The following BMPR1B variants were observed in gnomAD, a reference collection of about 807,000 sequenced individuals.
The protein encoded by BMPR1B is bone morphogenetic protein receptor type-1B.
In BMPR1B, 12 loss-of-function variants were observed where a neutral mutation model predicts 59.1. That is an observed-to-expected ratio of 0.20 (90% CI 0.13 to 0.33). BMPR1B has a LOEUF of 0.33. Ranked by LOEUF, BMPR1B falls within the 10% of genes least tolerant of loss-of-function variation. The pLI is 1.00. For synonymous variants in BMPR1B, 237 were observed against 207.3 expected, an observed-to-expected ratio of 1.14 and a Z score of -1.23; for missense variants, 550 against 610.9, an observed-to-expected ratio of 0.90 and a Z score of 1.05.
rs1578653489 is a variant in BMPR1B at position 94,795,818 on chromosome 4, GA to G, written c.-183+37751del. ...TACCACTCCTGAGTACACTAAAATG[GA>G]GATTTAGATGACAACAAACAAGCAG... On this transcript the variant is annotated intron_variant, in intron 1 of 12. Coordinates refer to ENST00000515059, the MANE Select transcript of BMPR1B (RefSeq NM_001203.3). Among the ~76,000 whole-genome samples the G allele has an allele frequency of 2.6e-5, 4 of 152,174 alleles. No homozygotes were observed. The East Asian group carries it at 7.7e-4, about 29-fold the overall frequency.
intron 3 of BMPR1B, among the ~76,000 whole-genome samples, chr4:95,080,462 CT>C (rs1729050070): frequency 6.6e-6 from 1 of 152,132 alleles, no homozygotes; most frequent in Admixed American, 6.5e-5. Flanking sequence ...TCTCAAACTC[CT>C]GACCTTAAGT....
chr4:94,827,179 T>C (rs1362753128), intron 1 of BMPR1B, among the ~76,000 whole-genome samples: 1 of 152,140 alleles, frequency 6.6e-6, no homozygotes, highest in African/African-American at 2.4e-5. Flanking sequence ...GAGGCTTCAA[T>C]AGCAAAAGCA....
chr4:94,987,228 A>C (rs935280077), intron 2 of BMPR1B, among the ~76,000 whole-genome samples: 1 of 144,706 alleles, frequency 6.9e-6, no homozygotes, highest in Non-Finnish European at 1.5e-5. Context: ...ATTATATATA[A>C]TATATGTAAT....
At chr4:95,090,049 C>A (rs1729867678) in intron 3 of BMPR1B, among the ~76,000 whole-genome samples, 1 of 151,988 alleles carries the variant, frequency 6.6e-6, no homozygotes, top group Admixed American at 6.6e-5. Flanking sequence ...AGTATTCTAA[C>A]CCAGGTGTTT....
chr4:95,114,592 C>T (rs1206942305), intron 4 of BMPR1B, 128 bp from the exon 5 acceptor site: 5 of 846,340 alleles, frequency 5.9e-6, no homozygotes, highest in Non-Finnish European at 1.0e-5. Context: ...CATTGACATT[C>T]TCCTTGTTGC....
chr4:94,937,554 A>G (rs992839536), intron 2 of BMPR1B, among the ~76,000 whole-genome samples: 4 of 152,220 alleles, frequency 2.6e-5, no homozygotes, highest in African/African-American at 9.6e-5. Context: ...TAGTGGAAAA[A>G]AATTAAAAGA....
At chr4:95,020,861 C>T (rs1268168708) in intron 3 of BMPR1B, among the ~76,000 whole-genome samples, 1 of 152,108 alleles carries the variant, frequency 6.6e-6, no homozygotes, top group Non-Finnish European at 1.5e-5. Context: ...CAGGCACATA[C>T]CATCATAACC....
intron 2 of BMPR1B, among the ~76,000 whole-genome samples, chr4:94,983,968 G>A (rs185956371): frequency 2.0e-3 from 301 of 152,268 alleles, no homozygotes; most frequent in Admixed American, 3.9e-3. Flanking sequence ...AATAAGAAAT[G>A]TTCCATGAGA....
intron 6 of BMPR1B, among the ~76,000 whole-genome samples, chr4:95,116,753 A>G (rs1241919801): frequency 1.3e-5 from 2 of 151,676 alleles, no homozygotes; most frequent in Non-Finnish European, 2.9e-5. Context: ...TAGCTGGGAA[A>G]CAGGTGCACA....
intron 2 of BMPR1B, among the ~76,000 whole-genome samples, chr4:94,941,283 TTAG>T (rs35511147): frequency 0.25 from 37,228 of 151,440 alleles, 4,558 homozygotes; most frequent in South Asian, 0.36. Flanking sequence ...TACAAAAAAA[TTAG>T]TGGGGCATGG....
intron 2 of BMPR1B, among the ~76,000 whole-genome samples, chr4:94,932,493 T>C (rs1560553603): frequency 6.6e-6 from 1 of 152,168 alleles, no homozygotes; most frequent in East Asian, 1.9e-4. Context: ...TGCAAAATGA[T>C]ATTTTTTTGG....
At position 95,139,615 on chromosome 4, in the gene BMPR1B, G is replaced by A. The variant is rs374300154; in HGVS notation, c.1076+8103G>A. 1.8e-3 allele frequency among the ~76,000 whole-genome samples: 280 copies of A among 152,278 alleles called. 1 individual carries two copies. Among genetic ancestry groups the A allele is most frequent in the Middle Eastern group, 0.01 (3 of 294 alleles). On this transcript the variant is annotated intron_variant, in intron 10 of 12. Transcript: ENST00000515059. ...TTACCTACTCAAGCTCAGCAGTGGC[G>A]GACGCCCCTCCCTCAGCCTCGCTGC...
chr4:94,834,711 C>T (rs549388568), intron 1 of BMPR1B, among the ~76,000 whole-genome samples: 37 of 152,142 alleles, frequency 2.4e-4, no homozygotes, highest in Non-Finnish European at 5.1e-4. Context: ...GTGTTTTACA[C>T]TTTCTGGATC....
intron 2 of BMPR1B, among the ~76,000 whole-genome samples, chr4:94,892,530 C>T (rs927259767): frequency 1.3e-5 from 2 of 151,796 alleles, no homozygotes; most frequent in Non-Finnish European, 1.5e-5. Flanking sequence ...TGTACTGTAC[C>T]GGGAGCTGAA....
chr4:95,130,407 G>A (rs1733241203), intron 9 of BMPR1B, among the ~76,000 whole-genome samples: 1 of 151,996 alleles, frequency 6.6e-6, no homozygotes, highest in Non-Finnish European at 1.5e-5. Flanking sequence ...TTATCTGCAG[G>A]GTTTATTTAT....
intron 1 of BMPR1B, among the ~76,000 whole-genome samples, chr4:94,780,818 A>G (rs984532471): frequency 6.6e-6 from 1 of 150,396 alleles, no homozygotes; most frequent in Non-Finnish European, 1.5e-5. Flanking sequence ...CCTCCTGAGT[A>G]GCTGGGACTA....
At position 94,906,267 on chromosome 4, in the gene BMPR1B, C is replaced by T. The variant is rs145749289; in HGVS notation, c.-113+30367C>T. On this transcript the variant is annotated intron_variant, in intron 2 of 12. Transcript: ENST00000515059. The stretch of plus-strand genomic sequence containing the variant: ...ATTTGAAAATCTGTATGGGTACATG[C>T]CTTGAAAATGCCCTTGGAGACCAAA... 1.2e-4 allele frequency among the ~76,000 whole-genome samples: 18 copies of T among 152,082 alleles called. No homozygotes were observed. The East Asian group carries it at 3.5e-3, about 30-fold the overall frequency.
intron 2 of BMPR1B, among the ~76,000 whole-genome samples, chr4:94,947,425 A>T (rs1244965880): frequency 6.6e-6 from 1 of 152,222 alleles, no homozygotes; most frequent in East Asian, 1.9e-4. Context: ...TTGGCAAGGA[A>T]TAGCCCATCT....
At chr4:94,933,142 C>T (rs1445189963) in intron 2 of BMPR1B, among the ~76,000 whole-genome samples, 1 of 151,972 alleles carries the variant, frequency 6.6e-6, no homozygotes, top group African/African-American at 2.4e-5. Flanking sequence ...TAGAATTAAG[C>T]TATTCATAAA....
Sources: gnomAD v4.1 joint callset for allele counts (sites outside exome capture counted in the v4.1 genomes callset) on GRCh38, gnomAD v4.1.1 for gene constraint, MANE v1.5 for transcripts, NCBI Gene and HGNC (gene_info 2026-07-23, HGNC 2026-07-21) for gene names.